Variants in DYNC1LI2 observed in about 807,000 individuals in gnomAD.
DYNC1LI2 encodes dynein cytoplasmic 1 light intermediate chain 2.
DYNC1LI2 carries 19 observed loss-of-function variants against 57.8 expected under a neutral mutation model. That is an observed-to-expected ratio of 0.33 (90% confidence interval 0.23 to 0.48). The LOEUF is 0.48. DYNC1LI2 is among the 20% of genes least tolerant of loss of function. The probability of loss-of-function intolerance (pLI) is 0.99; values close to 1 mark genes in which losing one functional copy is unlikely to be tolerated. For synonymous variants in DYNC1LI2, 256 were observed against 233.4 expected (o/e 1.10, Z -0.88); for missense variants, 470 against 604.2 (o/e 0.78, Z 2.33).
At chr16:66,735,230 T>C (rs1047681433) in intron 5 of DYNC1LI2, among the ~76,000 whole-genome samples, 4 of 150,564 alleles carry the variant, frequency 2.7e-5, no homozygotes, top group Non-Finnish European at 5.9e-5. Flanking sequence ...AGCCCCCGAG[T>C]AGCTGGGATG....
intron 6 of DYNC1LI2, 69 bp from the exon 7 acceptor site, chr16:66,732,543 A>G: frequency 6.5e-7 from 1 of 1,539,480 alleles, no homozygotes. Context: ...TACAACCTCA[A>G]AGTACTACTC....
chr16:66,730,321 A>G, intron 7 of DYNC1LI2, 98 bp from the exon 8 acceptor site: 1 of 995,006 alleles, frequency 1.0e-6, no homozygotes. Context: ...CACTTCTCAC[A>G]AGATATAGTG....
chr16:66,749,929 C>T (rs765077817), intron 2 of DYNC1LI2, among the ~76,000 whole-genome samples: 2 of 152,202 alleles, frequency 1.3e-5, no homozygotes, highest in Admixed American at 1.3e-4. Flanking sequence ...ACAACACCCC[C>T]CTTCCCCGGA....
chr16:66,731,648 T>G (rs2017639446), intron 7 of DYNC1LI2: 1 of 152,348 alleles, frequency 6.6e-6, no homozygotes, highest in Non-Finnish European at 1.5e-5. Context: ...CTGTGTCCTT[T>G]GCAGAGAACC....
chr16:66,732,427 C>A lies in DYNC1LI2; in HGVS notation c.841G>T (p.Asp281Tyr), dbSNP rs180710200. Reference protein sequence around the residue: ...YTSVKEEKNLDLLYKYIVHKT... With the variant: ...YTSVKEEKNLYLLYKYIVHKT... ...TGAACAATATACTTATACAACAAGT[C>A]GAGGTTTTTCTCTTCTTTCACTGAT... is the stretch of plus-strand genomic sequence containing the variant. The change falls in exon 7 of 13, where the codon GAC (aspartate) becomes TAC (tyrosine). Residue 281 changes from aspartate (D) to tyrosine (Y), a missense_variant. Asp to Tyr is a radical substitution (Grantham distance 160). Coordinates refer to ENST00000258198, the MANE Select transcript of DYNC1LI2 (RefSeq NM_006141.3). 1.2e-6 allele frequency: 2 copies of A among 1,613,708 alleles called. No homozygotes were observed. Among genetic ancestry groups the A allele is most frequent in the East Asian group, 4.5e-5 (2 of 44,878 alleles).
At chr16:66,729,585 T>C (rs1336286730) in intron 8 of DYNC1LI2, among the ~76,000 whole-genome samples, 1 of 145,124 alleles carries the variant, frequency 6.9e-6, no homozygotes, top group Non-Finnish European at 1.5e-5. Context: ...TTTTTTTTTT[T>C]TTTTTTTTGA....
At chr16:66,746,825 G>A (rs571918348) in intron 3 of DYNC1LI2, among the ~76,000 whole-genome samples, 1 of 152,318 alleles carries the variant, frequency 6.6e-6, no homozygotes, top group East Asian at 1.9e-4. Context: ...CAAGTACAGA[G>A]TGGTTAAGTC....
intron 3 of DYNC1LI2, among the ~76,000 whole-genome samples, chr16:66,748,100 A>T (rs2017970727): frequency 6.6e-6 from 1 of 151,932 alleles, no homozygotes; most frequent in African/African-American, 2.4e-5. Context: ...CAACCTGAGC[A>T]ACATAGTGAA....
chr16:66,732,449 T>C lies in DYNC1LI2; in HGVS notation c.819A>G (p.Ser273=), dbSNP rs1313908625. 2 of 1,613,202 alleles carry C rather than the reference T, an allele frequency of 1.2e-6. No individual in the cohort carries two copies. Among genetic ancestry groups the C allele is most frequent in the Non-Finnish European group, 1.7e-6 (2 of 1,179,942 alleles). Residue 273 remains serine, a synonymous_variant, in exon 7 of 13, where the codon TCA becomes TCG. Coordinates refer to ENST00000258198, the MANE Select transcript of DYNC1LI2 (RefSeq NM_006141.3). ...LQYGAALIYT[S]VKEEKNLDLL... ...AGTCGAGGTTTTTCTCTTCTTTCAC[T>C]GATGTGTAAATCAAGGCAGCTCCAT...
intron 11 of DYNC1LI2, 131 bp downstream of exon 11, chr16:66,727,557 C>T (rs1318886685): frequency 7.7e-6 from 6 of 782,526 alleles, no homozygotes; most frequent in Non-Finnish European, 8.0e-6. Context: ...GGAAAGTAGC[C>T]CTTATCGGGG....
At chr16:66,736,511 T>C (rs534773811) in intron 4 of DYNC1LI2, among the ~76,000 whole-genome samples, 1 of 151,630 alleles carries the variant, frequency 6.6e-6, no homozygotes. Context: ...CCTGAACAGG[T>C]TTTTTTTTCT....
At position 66,748,926 on chromosome 16, in the gene DYNC1LI2, T is replaced by C. The variant is rs560274028; in HGVS notation, c.298+271A>G. 4.6e-4 allele frequency among the ~76,000 whole-genome samples: 70 copies of C among 152,352 alleles called. No individual in the cohort carries two copies. The South Asian group carries it at 0.014, about 30-fold the overall frequency. ...TAAAAAATCTTTCTTACCACCTTTATGGGTTAAGTAAAAATTTATCTTCAG... is the reference window on the plus strand; with the variant it reads ...TAAAAAATCTTTCTTACCACCTTTACGGGTTAAGTAAAAATTTATCTTCAG... On this transcript the variant is annotated intron_variant, in intron 3 of 12. Coordinates refer to ENST00000258198, the MANE Select transcript of DYNC1LI2 (RefSeq NM_006141.3).
At position 66,727,764 on chromosome 16, in the gene DYNC1LI2, C is replaced by G; in HGVS notation, c.1185G>C (p.Gln395His). 1 of 1,614,086 alleles carries G rather than the reference C, an allele frequency of 6.2e-7. No homozygotes were observed. Among genetic ancestry groups the G allele is most frequent in the Non-Finnish European group, 8.5e-7 (1 of 1,179,996 alleles). Residue 395 changes from glutamine (Q) to histidine (H), a missense_variant, in exon 11 of 13, where the codon CAG (glutamine) becomes CAC (histidine). Gln to His is a conservative substitution (Grantham distance 24). Transcript: ENST00000258198. ...ARGPSGSPRT[Q>H]GRGGPASVPS... ...GCACACTGGCTGGCCCTCCCCGACC[C>G]TGGGTCCTTGGAGAGCCAGAGGGTC...
intron 12 of DYNC1LI2, among the ~76,000 whole-genome samples, chr16:66,724,125 C>T (rs1430511466): frequency 1.3e-5 from 2 of 152,150 alleles, no homozygotes; most frequent in African/African-American, 4.8e-5. Flanking sequence ...ACCACCCAAC[C>T]CTGACCCCTG....
intron 3 of DYNC1LI2, among the ~76,000 whole-genome samples, chr16:66,746,233 C>T (rs1305468916): frequency 1.3e-5 from 2 of 152,134 alleles, no homozygotes; most frequent in Non-Finnish European, 1.5e-5. Context: ...GCCCACTACA[C>T]GTAACTCACC....
chr16:66,743,089 G>A (rs996617477), intron 3 of DYNC1LI2, among the ~76,000 whole-genome samples: 2 of 152,102 alleles, frequency 1.3e-5, no homozygotes, highest in Non-Finnish European at 2.9e-5. Flanking sequence ...TTGAACCCAG[G>A]AAGTAGAGGT....
At chr16:66,747,129 G>C (rs1304951862) in intron 3 of DYNC1LI2, among the ~76,000 whole-genome samples, 1 of 149,516 alleles carries the variant, frequency 6.7e-6, no homozygotes, top group African/African-American at 2.5e-5. Context: ...GCCCAGGCTG[G>C]AGTGCAGTGG....
At chr16:66,747,753 T>C (rs983123509) in intron 3 of DYNC1LI2, among the ~76,000 whole-genome samples, 1 of 151,674 alleles carries the variant, frequency 6.6e-6, no homozygotes, top group Non-Finnish European at 1.5e-5. Flanking sequence ...GTATTGTTAG[T>C]AGAGATGGGG....
In DYNC1LI2 at chr16:66,721,794, T is replaced by A. The variant is rs1464018517; in HGVS notation, c.*1928A>T. On this transcript the variant is annotated 3_prime_UTR_variant, in exon 13 of 13. Transcript: ENST00000258198. ...AATAAAGACAAATTAAAATTTTGCA[T>A]TAAAATTTAAAATTATACCATATTC... 1.3e-5 allele frequency: 2 copies of A among 152,650 alleles called. No individual in the cohort carries two copies. Among genetic ancestry groups the A allele is most frequent in the African/African-American group, 4.8e-5 (2 of 41,468 alleles). 9.5% of individuals were successfully genotyped at this position (152,650 alleles called of 1,614,324 possible).
Sources: gnomAD v4.1 joint callset for allele counts (sites outside exome capture counted in the v4.1 genomes callset) on GRCh38, gnomAD v4.1.1 for gene constraint, MANE v1.5 for transcripts, NCBI Gene and HGNC (gene_info 2026-07-23, HGNC 2026-07-21) for gene names.